The following TMCC1 variants were observed in gnomAD, a reference collection of about 807,000 sequenced individuals.
TMCC1 encodes the protein transmembrane and coiled-coil domains protein 1.
Under a neutral mutation model 52.4 loss-of-function variants are expected in TMCC1, and 15 were observed. That is an observed-to-expected ratio of 0.29 (90% CI 0.19 to 0.44). The LOEUF is 0.44. Ranked by LOEUF, TMCC1 falls within the 20% of genes least tolerant of loss-of-function variation. The pLI is 1.00. For synonymous variants in TMCC1, 279 were observed against 301.9 expected (o/e 0.92, Z 0.79); for missense variants, 503 against 806.0 (o/e 0.62, Z 4.55).
At chr3:129,689,045 G>C (rs144870871) in intron 4 of TMCC1, among the ~76,000 whole-genome samples, 158 of 152,314 alleles carry the variant, frequency 1.0e-3, no homozygotes, top group African/African-American at 3.4e-3. Flanking sequence ...CCATGCTTTT[G>C]TAATGTTTCT....
In TMCC1 at chr3:129,720,201, A is replaced by G. The variant is rs868230895; in HGVS notation, c.577-48937T>C. Among the ~76,000 whole-genome samples the G allele has an allele frequency of 6.1e-4, 93 of 151,310 alleles. 1 individual carries two copies. The highest frequency in any genetic ancestry group is 2.0e-3 in the African/African-American group (82 of 40,964). The stretch of plus-strand genomic sequence containing the variant: ...TGTCTCAAAAAAAAAAAAAAAAAAA[A>G]AGAGATGGAATGTATTTCTCCATCC... On this transcript the variant is annotated intron_variant, in intron 4 of 6. Coordinates refer to ENST00000393238, the MANE Select transcript of TMCC1 (RefSeq NM_001017395.5).
At chr3:129,834,657 T>C (rs889685294) in intron 2 of TMCC1, among the ~76,000 whole-genome samples, 1 of 152,088 alleles carries the variant, frequency 6.6e-6, no homozygotes, top group Admixed American at 6.6e-5. Flanking sequence ...AAGGAACTTA[T>C]AATTTAGAAA....
rs115144031 is a variant in TMCC1, at chr3:129,777,279, C to T, written c.576+50524G>A. 7.5e-3 allele frequency among the ~76,000 whole-genome samples: 1,148 copies of T among 152,186 alleles called. 6 individuals carry two copies. Among genetic ancestry groups the T allele is most frequent in the Non-Finnish European group, 0.011 (776 of 68,006 alleles). On this transcript the variant is annotated intron_variant, in intron 4 of 6. Coordinates refer to ENST00000393238, the MANE Select transcript of TMCC1 (RefSeq NM_001017395.5). ...CAGCCACTACTATAAAGAAAATCTT[C>T]CTTTGACTGATCAAAAACACAGTAT...
intron 4 of TMCC1, among the ~76,000 whole-genome samples, chr3:129,704,699 T>A (rs2048089884): frequency 6.6e-6 from 1 of 152,200 alleles, no homozygotes; most frequent in African/African-American, 2.4e-5. Flanking sequence ...ATTACAGGTG[T>A]GAGCCACTAC....
intron 3 of TMCC1, among the ~76,000 whole-genome samples, chr3:129,832,144 AC>A (rs1280768090): frequency 6.6e-6 from 1 of 152,188 alleles, no homozygotes; most frequent in Non-Finnish European, 1.5e-5. Flanking sequence ...GGCATGAGTC[AC>A]CGCGCCCCAC....
At chr3:129,847,537 A>C (rs1240970069) in intron 2 of TMCC1, 1 of 152,212 alleles carries the variant, frequency 6.6e-6, no homozygotes, top group East Asian at 1.9e-4. Context: ...GTAGTATTCC[A>C]TTGTATAAAT....
rs11394617 is a variant in TMCC1, at chr3:129,800,925, A to ATTTTTT, written c.576+26872_576+26877dup. Among the ~76,000 whole-genome samples, 79 of 117,938 alleles carry ATTTTTT rather than the reference A, an allele frequency of 6.7e-4. 3 individuals are homozygous for ATTTTTT. Among genetic ancestry groups the ATTTTTT allele is most frequent in the Non-Finnish European group, 9.1e-4 (54 of 59,180 alleles). The allele number at this position is 117,938 out of a possible 152,430, so 77.4% of individuals were successfully genotyped here. Reference sequence around the variant, plus strand: ...TTTCCCTCTCTGCACATCTCACACTATTTTTTTTTTTTTTTTTTTTGAGAT... The same window carrying ATTTTTT: ...TTTCCCTCTCTGCACATCTCACACTATTTTTTTTTTTTTTTTTTTTTTTTTTGAGAT... On this transcript the variant is annotated intron_variant, in intron 4 of 6. Coordinates refer to ENST00000393238, the MANE Select transcript of TMCC1 (RefSeq NM_001017395.5).
chr3:129,765,588 T>C (rs1345679222), intron 4 of TMCC1, among the ~76,000 whole-genome samples: 3 of 152,280 alleles, frequency 2.0e-5, no homozygotes, highest in African/African-American at 7.2e-5. Context: ...GAGTGGTAGA[T>C]AAAACTAATT....
rs546141910 is a variant in TMCC1, at chr3:129,890,268, A to G, written c.-435+3226T>C. ...CTATACCCATTTAACTTACAAGCCA[A>G]CCTCTGGCAAAATGTGACCAATGCT... On this transcript the variant is annotated intron_variant, in intron 1 of 6. Transcript: ENST00000393238. Among the ~76,000 whole-genome samples the G allele has an allele frequency of 2.6e-5, 4 of 152,352 alleles. No homozygotes were observed. The East Asian group carries it at 5.8e-4, about 22-fold the overall frequency.
At chr3:129,780,263 T>A (rs920606006) in intron 4 of TMCC1, among the ~76,000 whole-genome samples, 2 of 152,162 alleles carry the variant, frequency 1.3e-5, no homozygotes, top group Admixed American at 1.3e-4. Flanking sequence ...TATTTAAGCA[T>A]ACCATTTCAC....
chr3:129,826,151 T>C (rs1385078388), intron 4 of TMCC1, among the ~76,000 whole-genome samples: 1 of 152,118 alleles, frequency 6.6e-6, no homozygotes, highest in Non-Finnish European at 1.5e-5. Flanking sequence ...GCACTGTCAA[T>C]CTTTACTGCC....
At position 129,651,699 on chromosome 3, in the gene TMCC1, C is replaced by T; in HGVS notation, c.1744G>A (p.Ala582Thr). Reference protein sequence around the residue: ...VQLEGLENATARNLLGKLINI... With the variant: ...VQLEGLENATTRNLLGKLINI... ...ATGAGTTTGCCCAGAAGGTTCCGGG[C>T]AGTGGCATTCTCCAGCCCTTCTAGC... is the stretch of plus-strand genomic sequence containing the variant. The change falls in exon 7 of 7, where the codon GCC becomes ACC. Residue 582 changes from alanine to threonine, a missense_variant. This residue lies in a region of TMCC1 where 121 missense variants were observed against 193.6 expected (regional missense o/e 0.62). Transcript: ENST00000393238. The surrounding 1 kb of genome is among the most constrained non-coding windows in gnomAD (Gnocchi z 5.1). 1 of 1,614,246 alleles carries T rather than the reference C, an allele frequency of 6.2e-7. No individual in the cohort carries two copies. Among genetic ancestry groups the T allele is most frequent in the Non-Finnish European group, 8.5e-7 (1 of 1,180,048 alleles).
intron 5 of TMCC1, chr3:129,656,611 T>G (rs909069685): frequency 1.3e-5 from 2 of 152,166 alleles, no homozygotes; most frequent in Non-Finnish European, 2.9e-5. Flanking sequence ...TAAACTCCAC[T>G]GCTTTTCTAA....
intron 4 of TMCC1, among the ~76,000 whole-genome samples, chr3:129,786,000 T>A (rs1418006554): frequency 6.7e-6 from 1 of 149,012 alleles, no homozygotes; most frequent in East Asian, 2.0e-4. Flanking sequence ...AGTGGCGCGA[T>A]GTTGGCTCAC....
At chr3:129,756,460 C>A (rs550477617) in intron 4 of TMCC1, among the ~76,000 whole-genome samples, 144 of 152,216 alleles carry the variant, frequency 9.5e-4, no homozygotes, top group African/African-American at 3.3e-3. Context: ...TGTTGCCAGG[C>A]TGGAGTGCAG....
chr3:129,887,537 T>A, intron 1 of TMCC1, among the ~76,000 whole-genome samples: 1 of 139,870 alleles, frequency 7.1e-6, no homozygotes, highest in African/African-American at 2.7e-5. Context: ...CAAGACTCCG[T>A]CTCTCAAAAA....
chr3:129,840,588 CAT>C (rs975728191), intron 2 of TMCC1, among the ~76,000 whole-genome samples: 72 of 152,250 alleles, frequency 4.7e-4, no homozygotes, highest in Admixed American at 3.1e-3. Context: ...GTAATCCACA[CAT>C]GTCAAGGGAG....
At chr3:129,757,809 G>C (rs1441758678) in intron 4 of TMCC1, among the ~76,000 whole-genome samples, 1 of 151,818 alleles carries the variant, frequency 6.6e-6, no homozygotes, top group Non-Finnish European at 1.5e-5. Context: ...CAGCCTGGGT[G>C]ACAGAGAGAA....
intron 4 of TMCC1, among the ~76,000 whole-genome samples, chr3:129,783,922 TCGGAAAGAATATTG>T (rs1306838050): frequency 7.5e-4 from 114 of 152,348 alleles, no homozygotes; most frequent in Non-Finnish European, 1.2e-3. Context: ...GTCTGATAGC[TCGGAAAGAATATTG>T]GCAGAGACTA....
Sources: gnomAD v4.1 joint callset for allele counts (sites outside exome capture counted in the v4.1 genomes callset) on GRCh38, gnomAD v4.1.1 for gene constraint, gnomAD v4.1.1 regional missense constraint, Gnocchi (gnomAD v3.1) non-coding constraint, MANE v1.5 for transcripts, NCBI Gene and HGNC (gene_info 2026-07-23, HGNC 2026-07-21) for gene names.